Variants in AFF3 observed in about 807,000 individuals in gnomAD.
AFF3 encodes AF4/FMR2 family member 3.
Under a neutral mutation model 129.7 loss-of-function variants are expected in AFF3, and 32 were observed. The ratio of observed to expected loss-of-function variants is 0.25; its 90% CI spans 0.19 to 0.33. The LOEUF is 0.33. Ranked by LOEUF, AFF3 falls within the 10% of genes least tolerant of loss-of-function variation. AFF3 has a pLI of 1.00. For synonymous variants in AFF3, 644 were observed against 635.4 expected (o/e 1.01, Z -0.20); for missense variants, 1,373 against 1,592.0 (o/e 0.86, Z 2.34).
chr2:99,961,919 T>G (rs1349968808), intron 7 of AFF3, among the ~76,000 whole-genome samples: 1 of 152,148 alleles, frequency 6.6e-6, no homozygotes, highest in Non-Finnish European at 1.5e-5. Flanking sequence ...TGAAAAAACT[T>G]GGCCAGATGA....
intron 4 of AFF3, among the ~76,000 whole-genome samples, chr2:100,045,645 A>C (rs1573240495): frequency 2.8e-5 from 4 of 141,362 alleles, no homozygotes; most frequent in African/African-American, 5.3e-5. Flanking sequence ...CACCTTTCCC[A>C]CCTCTGCCAG....
intron 7 of AFF3, among the ~76,000 whole-genome samples, chr2:99,953,638 C>T (rs2104212935): frequency 6.6e-6 from 1 of 152,236 alleles, no homozygotes; most frequent in Middle Eastern, 3.4e-3. Flanking sequence ...TACCAATGAA[C>T]TAAGAAAGTT....
intron 4 of AFF3, among the ~76,000 whole-genome samples, chr2:100,086,416 G>C (rs1689434954): frequency 6.6e-6 from 1 of 152,178 alleles, no homozygotes; most frequent in African/African-American, 2.4e-5. Flanking sequence ...AGCTACTTGG[G>C]AGGCTGAGGC....
At chr2:99,891,817 C>T (rs545980781) in intron 7 of AFF3, among the ~76,000 whole-genome samples, 2 of 147,832 alleles carry the variant, frequency 1.4e-5, no homozygotes, top group South Asian at 2.3e-4. Flanking sequence ...GGGCTTAAAG[C>T]CCACCAGCAC....
intron 13 of AFF3, among the ~76,000 whole-genome samples, chr2:99,612,751 C>T (rs942838542): frequency 2.6e-5 from 4 of 152,274 alleles, no homozygotes; most frequent in Non-Finnish European, 2.9e-5. Flanking sequence ...AGCTGGTGCA[C>T]GGCACACCTG....
Position 99,565,501 on chromosome 2 carries a change from T to C in AFF3, c.3105A>G (p.Thr1035=). 6.2e-7 allele frequency: 1 copy of C among 1,614,174 alleles called. No individual in the cohort carries two copies. The highest frequency in any genetic ancestry group is 1.1e-5 in the South Asian group (1 of 91,088). Residue 1035 remains threonine, a synonymous_variant, in exon 20 of 25, where the codon ACA becomes ACG. Coordinates refer to ENST00000672756, the MANE Select transcript of AFF3 (RefSeq NM_001386135.1). ...ACGGTGCTTACCTGATGAGCTCTAC[T>C]GTTTCTGAATACATCGTATAAGGAG... ...SKSPYTMYSE[T]VELIRYAMRL...
intron 24 of AFF3, among the ~76,000 whole-genome samples, chr2:99,553,918 C>CAAAAAAAAAAAAAAAAA (rs61326965): frequency 5.3e-5 from 3 of 56,960 alleles, no homozygotes; most frequent in Non-Finnish European, 9.4e-5. Flanking sequence ...TGTCTCAAAC[C>CAAAAAAAAAAAAAAAAA]AAAAAAAAAA....
intron 17 of AFF3, chr2:99,580,871 C>A (rs1677469768): frequency 1.3e-5 from 2 of 152,382 alleles, no homozygotes; most frequent in Admixed American, 1.3e-4. Flanking sequence ...GCATTCCAGT[C>A]TGGGTGACAG....
intron 13 of AFF3, among the ~76,000 whole-genome samples, chr2:99,603,806 A>G (rs938496933): frequency 2.0e-5 from 3 of 152,240 alleles, no homozygotes; most frequent in Non-Finnish European, 2.9e-5. Context: ...CCCATTAAAA[A>G]GTGGGAAAAG....
At chr2:99,855,086 T>C (rs1163510213) in intron 7 of AFF3, among the ~76,000 whole-genome samples, 4 of 152,152 alleles carry the variant, frequency 2.6e-5, no homozygotes, top group Admixed American at 2.0e-4. Context: ...ATTTTGGGGT[T>C]ACGAAAATAT....
intron 7 of AFF3, among the ~76,000 whole-genome samples, chr2:99,973,746 A>C (rs1294984227): frequency 6.6e-6 from 1 of 151,422 alleles, no homozygotes; most frequent in African/African-American, 2.4e-5. Flanking sequence ...TGCTCCAGGT[A>C]CAGGTCTTCT....
At chr2:99,850,693 T>C (rs1432397840) in intron 7 of AFF3, among the ~76,000 whole-genome samples, 1 of 152,226 alleles carries the variant, frequency 6.6e-6, no homozygotes, top group Non-Finnish European at 1.5e-5. Context: ...TTTCCAACAA[T>C]TTTATTAATA....
intron 8 of AFF3, among the ~76,000 whole-genome samples, chr2:99,832,955 G>GA (rs1215100464): frequency 1.3e-5 from 2 of 151,878 alleles, no homozygotes; most frequent in Non-Finnish European, 2.9e-5. Context: ...GTATGAGCTA[G>GA]AAAAAAAAGC....
intron 7 of AFF3, among the ~76,000 whole-genome samples, chr2:99,842,240 A>T (rs1185433405): frequency 6.6e-6 from 1 of 152,124 alleles, no homozygotes; most frequent in East Asian, 1.9e-4. Flanking sequence ...TCTTTCTCAA[A>T]TCTGGTTTCA....
intron 4 of AFF3, among the ~76,000 whole-genome samples, chr2:100,015,802 G>T (rs1408833505): frequency 6.6e-6 from 1 of 152,194 alleles, no homozygotes; most frequent in Non-Finnish European, 1.5e-5. Context: ...TCTCCCAACT[G>T]GAGTCTTTTG....
At chr2:99,903,861 G>A (rs959284688) in intron 7 of AFF3, among the ~76,000 whole-genome samples, 2 of 152,016 alleles carry the variant, frequency 1.3e-5, no homozygotes, top group Admixed American at 6.6e-5. Context: ...ATACATTACA[G>A]GAAGTCCACT....
At chr2:99,913,895 T>C (rs1362464157) in intron 7 of AFF3, among the ~76,000 whole-genome samples, 1 of 152,172 alleles carries the variant, frequency 6.6e-6, no homozygotes, top group Non-Finnish European at 1.5e-5. Flanking sequence ...ACTGATTAAA[T>C]ATAAATAAGG....
At chr2:99,584,225 T>C (rs1194818711) in intron 16 of AFF3, among the ~76,000 whole-genome samples, 2 of 151,226 alleles carry the variant, frequency 1.3e-5, no homozygotes, top group Middle Eastern at 3.4e-3. Context: ...CCCAGCACTT[T>C]GGGAGGCCAA....
Position 99,692,335 on chromosome 2 carries a change from G to C in AFF3, c.1092-19746C>G, listed in dbSNP as rs189915722. ...CCCCTGTGGACAGGGAGACAGGAGA[G>C]TGGATTCTGCTCTCCCCCTTCTTCA... is the stretch of plus-strand genomic sequence containing the variant. On this transcript the variant is annotated intron_variant, in intron 11 of 24. Coordinates refer to ENST00000672756, the MANE Select transcript of AFF3 (RefSeq NM_001386135.1). 1.1e-4 allele frequency among the ~76,000 whole-genome samples: 17 copies of C among 152,262 alleles called. No homozygotes were observed. The East Asian group carries it at 3.3e-3, about 29-fold the overall frequency.
Sources: allele counts gnomAD v4.1 joint callset (sites outside exome capture counted in the v4.1 genomes callset), GRCh38; gene constraint gnomAD v4.1.1; transcripts MANE v1.5; gene names NCBI Gene and HGNC (gene_info 2026-07-23, HGNC 2026-07-21).